SLC41A2: variants seen among roughly 807,000 people sequenced by gnomAD.
SLC41A2 encodes SLC41A1-like 1.
SLC41A2 carries 32 observed loss-of-function variants against 58.3 expected under a neutral mutation model. The ratio of observed to expected loss-of-function variants is 0.55; its 90% CI spans 0.41 to 0.74. The LOEUF (loss-of-function observed/expected upper bound fraction) is 0.74. SLC41A2 is among the 30% of genes least tolerant of loss of function. The pLI is 0.00. For missense variants in SLC41A2, 514 were observed against 680.6 expected (o/e 0.76, Z 2.72); for synonymous variants, 190 against 235.0 (o/e 0.81, Z 1.75).
chr12:104,828,296 C>G (rs1052699058), intron 10 of SLC41A2, among the ~76,000 whole-genome samples: 1 of 152,214 alleles, frequency 6.6e-6, no homozygotes, highest in African/African-American at 2.4e-5. Flanking sequence ...AACCATCTCC[C>G]TTCTGGCTCC....
chr12:104,949,872 T>C (rs2047889067), intron 1 of SLC41A2, among the ~76,000 whole-genome samples: 2 of 152,174 alleles, frequency 1.3e-5, no homozygotes, highest in Admixed American at 1.3e-4. Flanking sequence ...TGTGAGCCAC[T>C]GTGCCTGGCT....
intron 2 of SLC41A2, 41 bp downstream of exon 2, chr12:104,927,932 A>C: frequency 2.7e-6 from 4 of 1,500,138 alleles, no homozygotes; most frequent in Non-Finnish European, 3.6e-6. Flanking sequence ...AAATGGAATA[A>C]CAAAAAAAGA....
intron 10 of SLC41A2, among the ~76,000 whole-genome samples, chr12:104,832,137 A>T (rs567151884): frequency 8.5e-5 from 13 of 152,310 alleles, no homozygotes; most frequent in African/African-American, 3.1e-4. Flanking sequence ...ATGGGAATTG[A>T]CTATTAACCC....
intron 1 of SLC41A2, among the ~76,000 whole-genome samples, chr12:104,946,043 TA>T (rs2047706646): frequency 6.6e-6 from 1 of 152,228 alleles, no homozygotes; most frequent in South Asian, 2.1e-4. Flanking sequence ...TCATTGTTTT[TA>T]AAAAATGATA....
chr12:104,926,510 CT>C (rs1484731742), intron 2 of SLC41A2, among the ~76,000 whole-genome samples: 1 of 151,812 alleles, frequency 6.6e-6, no homozygotes, highest in Non-Finnish European at 1.5e-5. Context: ...ATCACTTGAA[CT>C]TGGGAGGTGG....
intron 10 of SLC41A2, among the ~76,000 whole-genome samples, chr12:104,836,634 T>G (rs532881444): frequency 1.3e-4 from 20 of 152,296 alleles, no homozygotes; most frequent in African/African-American, 4.8e-4. Context: ...ACAGAGACAG[T>G]AGAACCAAGG....
chr12:104,889,291 T>C, intron 4 of SLC41A2, 114 bp from the exon 5 acceptor site: 1 of 1,063,312 alleles, frequency 9.4e-7, no homozygotes, highest in Non-Finnish European at 1.4e-6. Context: ...ATGTAATAAT[T>C]GAGCTACATT....
chr12:104,854,820 T>A lies in SLC41A2; in HGVS notation c.1255+6471A>T, dbSNP rs923430320. The stretch of plus-strand genomic sequence containing the variant: ...AGAGAAATGAATCTCTCTACTTTCC[T>A]GGGACAACTGAGGCTGTCAGTTGTA... On this transcript the variant is annotated intron_variant, in intron 8 of 10. Transcript: ENST00000258538. Among the ~76,000 whole-genome samples, 4 of 152,180 alleles carry A rather than the reference T, an allele frequency of 2.6e-5. 1 individual carries two copies. Among genetic ancestry groups the A allele is most frequent in the Admixed American group, 2.6e-4 (4 of 15,282 alleles).
intron 1 of SLC41A2, among the ~76,000 whole-genome samples, chr12:104,952,136 C>T (rs186010788): frequency 3.3e-5 from 5 of 152,158 alleles, no homozygotes; most frequent in Admixed American, 2.6e-4. Flanking sequence ...TGAATGAAAA[C>T]TTTTTCTTTG....
intron 1 of SLC41A2, among the ~76,000 whole-genome samples, chr12:104,950,763 T>C (rs1002189441): frequency 1.3e-5 from 2 of 152,160 alleles, no homozygotes; most frequent in African/African-American, 2.4e-5. Context: ...GCAGTACCCA[T>C]TGAAGCACCC....
rs562723978 is a variant in SLC41A2, at chr12:104,813,190, A to G, written c.1537-7853T>C. Among the ~76,000 whole-genome samples the G allele has an allele frequency of 1.1e-4, 16 of 152,236 alleles. No individual in the cohort carries two copies. The South Asian group carries it at 3.1e-3, about 30-fold the overall frequency. The stretch of plus-strand genomic sequence containing the variant: ...CAAGACTCTGTCTCAAAAAAGAAAA[A>G]AAAATAAAATAAAAAATTCAGAAAT... On this transcript the variant is annotated intron_variant, in intron 10 of 10. Coordinates refer to ENST00000258538, the MANE Select transcript of SLC41A2 (RefSeq NM_001352171.3).
chr12:104,939,314 T>C (rs1372620288), intron 1 of SLC41A2, among the ~76,000 whole-genome samples: 1 of 152,150 alleles, frequency 6.6e-6, no homozygotes, highest in African/African-American at 2.4e-5. Context: ...CCTTGCACCT[T>C]AGCCTCCCGA....
At chr12:104,888,588 A>T (rs2044786654) in intron 5 of SLC41A2, among the ~76,000 whole-genome samples, 1 of 152,138 alleles carries the variant, frequency 6.6e-6, no homozygotes. Context: ...TTGTATTGCC[A>T]CAGAAACAGG....
chr12:104,870,430 A>G (rs1250710973), intron 6 of SLC41A2, among the ~76,000 whole-genome samples: 2 of 152,210 alleles, frequency 1.3e-5, no homozygotes, highest in Non-Finnish European at 2.9e-5. Flanking sequence ...AAACAAACAA[A>G]AAAACCCAAA....
chr12:104,957,061 A>G (rs950449555), intron 1 of SLC41A2, among the ~76,000 whole-genome samples: 1 of 152,242 alleles, frequency 6.6e-6, no homozygotes, highest in African/African-American at 2.4e-5. Context: ...CACTGAAAAC[A>G]CATGTCCACA....
At chr12:104,820,730 C>T (rs1415709308) in intron 10 of SLC41A2, among the ~76,000 whole-genome samples, 2 of 152,182 alleles carry the variant, frequency 1.3e-5, no homozygotes, top group South Asian at 2.1e-4. Flanking sequence ...CAACCTCCCC[C>T]TCCTGGGTTC....
intron 3 of SLC41A2, among the ~76,000 whole-genome samples, chr12:104,908,121 TG>T (rs1565892734): frequency 6.6e-6 from 1 of 151,952 alleles, no homozygotes; most frequent in East Asian, 1.9e-4. Context: ...AAAAATTAAC[TG>T]GGCATGGTGG....
chr12:104,837,529 A>G (rs930625214), intron 10 of SLC41A2, among the ~76,000 whole-genome samples: 1 of 152,106 alleles, frequency 6.6e-6, no homozygotes, highest in African/African-American at 2.4e-5. Context: ...TCAACATTTA[A>G]CTGGAGATGT....
intron 6 of SLC41A2, among the ~76,000 whole-genome samples, chr12:104,880,868 T>C (rs1189951380): frequency 1.3e-5 from 2 of 152,222 alleles, no homozygotes; most frequent in African/African-American, 2.4e-5. Flanking sequence ...TTCTATTGAT[T>C]GGAATAGTTT....
Sources: allele counts gnomAD v4.1 joint callset (sites outside exome capture counted in the v4.1 genomes callset), GRCh38; gene constraint gnomAD v4.1.1; transcripts MANE v1.5; gene names NCBI Gene and HGNC (gene_info 2026-07-23, HGNC 2026-07-21).